Variants in P4HA1 observed in about 807,000 individuals in gnomAD.
P4HA1 encodes prolyl 4-hydroxylase subunit alpha 1.
In P4HA1, 24 loss-of-function variants were observed where a neutral mutation model predicts 72.8. The observed-to-expected ratio is 0.33, with a 90% CI of 0.24 to 0.46. The LOEUF (loss-of-function observed/expected upper bound fraction) is 0.46. Among genes scored for constraint, P4HA1 ranks in the 20% least tolerant of loss-of-function variants. The probability of loss-of-function intolerance (pLI) is 1.00; values close to 1 mark genes in which losing one functional copy is unlikely to be tolerated. For missense variants in P4HA1, 446 were observed against 640.6 expected, an observed-to-expected ratio of 0.70 and a Z score of 3.28; for synonymous variants, 201 against 218.8, an observed-to-expected ratio of 0.92 and a Z score of 0.72.
At position 73,053,587 on chromosome 10, in the gene P4HA1, A is replaced by G. The variant is rs775762415; in HGVS notation, c.467T>C (p.Val156Ala). Residue 156 changes from valine (V) to alanine (A), a missense_variant, in exon 6 of 15, where the codon GTG becomes GCG. Physicochemically the swap from Val to Ala is moderately conservative, Grantham distance 64. Transcript: ENST00000394890. ...AGCCGTTAGAAAAGATTTGTGTTTC[A>G]CTCCTATGAAAAGAAAATACAGAGA... Reference protein sequence around the residue: ...DTISKGNLPGVKHKSFLTAED... With the variant: ...DTISKGNLPGAKHKSFLTAED... The G allele has an allele frequency of 3.7e-6, 6 of 1,613,064 alleles. No homozygotes were observed. The highest frequency in any genetic ancestry group is 1.3e-5 in the African/African-American group (1 of 74,838).
At chr10:73,009,278 A>C (rs1244505873) in intron 14 of P4HA1, among the ~76,000 whole-genome samples, 1 of 145,094 alleles carries the variant, frequency 6.9e-6, no homozygotes, top group African/African-American at 2.8e-5. Context: ...TTTACTTTTT[A>C]AAAATGTGGT....
chr10:73,034,061 A>C (rs1840504694), intron 9 of P4HA1, among the ~76,000 whole-genome samples: 1 of 152,056 alleles, frequency 6.6e-6, no homozygotes, highest in South Asian at 2.1e-4. Flanking sequence ...AAAGTTTAAA[A>C]ATTAGCCAGG....
At chr10:73,077,126 T>C (rs930123509) in intron 1 of P4HA1, among the ~76,000 whole-genome samples, 2 of 152,264 alleles carry the variant, frequency 1.3e-5, no homozygotes, top group Admixed American at 6.5e-5. Context: ...CTTCCTCTCC[T>C]GGGCTCCTGC....
intron 10 of P4HA1, among the ~76,000 whole-genome samples, chr10:73,028,882 TA>T (rs1840364110): frequency 6.7e-6 from 1 of 150,058 alleles, no homozygotes; most frequent in Non-Finnish European, 1.5e-5. Context: ...CCATCTCTAC[TA>T]AAAATACAAA....
At chr10:73,082,145 A>G (rs1300204553) in intron 1 of P4HA1, among the ~76,000 whole-genome samples, 2 of 152,236 alleles carry the variant, frequency 1.3e-5, no homozygotes, top group East Asian at 1.9e-4. Context: ...ATTTTGCCCA[A>G]CTGTAGGCTA....
At chr10:73,050,699 C>CAA (rs11389497) in intron 7 of P4HA1, among the ~76,000 whole-genome samples, 8,687 of 106,106 alleles carry the variant, frequency 0.082, 463 homozygotes, top group East Asian at 0.32. Context: ...GACTCCATCT[C>CAA]AAAAAAAAAA....
At chr10:73,042,210 G>C (rs1404107740) in intron 9 of P4HA1, among the ~76,000 whole-genome samples, 3 of 152,086 alleles carry the variant, frequency 2.0e-5, no homozygotes, top group Non-Finnish European at 4.4e-5. Context: ...CTCTCTTACT[G>C]GGGCAAAAGG....
intron 1 of P4HA1, among the ~76,000 whole-genome samples, chr10:73,093,873 A>AAAAAAAAAAAAAAAT (rs1564640954): frequency 3.4e-5 from 1 of 29,308 alleles, no homozygotes; most frequent in African/African-American, 9.1e-5. Context: ...AAAAAAAAAA[A>AAAAAAAAAAAAAAAT]ATATATATAT....
At chr10:73,076,229 CTTAG>C (rs994164841) in intron 1 of P4HA1, among the ~76,000 whole-genome samples, 3 of 151,944 alleles carry the variant, frequency 2.0e-5, no homozygotes, top group African/African-American at 7.3e-5. Flanking sequence ...CTTGGTTTGA[CTTAG>C]TTTGTTTTTT....
At chr10:73,063,488 G>C (rs1841357580) in intron 5 of P4HA1, among the ~76,000 whole-genome samples, 1 of 152,192 alleles carries the variant, frequency 6.6e-6, no homozygotes, top group South Asian at 2.1e-4. Context: ...CAGATGCTAA[G>C]AAACTAACTT....
chr10:73,012,277 T>C (rs1238585690), intron 12 of P4HA1, among the ~76,000 whole-genome samples: 2 of 152,088 alleles, frequency 1.3e-5, no homozygotes, highest in Non-Finnish European at 2.9e-5. Context: ...GAAATGCAAA[T>C]TAAAGCCACA....
At position 73,043,928 on chromosome 10, in the gene P4HA1, C is replaced by T. The variant is rs980268214; in HGVS notation, c.1148+1053G>A. ...ACTGTGCTGTGGTCAATTTTCCAGT[C>T]TCAGGGTCATGTACTGTAGCTCGGC... On this transcript the variant is annotated intron_variant, in intron 9 of 14. Coordinates refer to ENST00000394890, the MANE Select transcript of P4HA1 (RefSeq NM_001017962.3). The T allele has an allele frequency of 4.3e-6, 7 of 1,613,176 alleles. No homozygotes were observed. In the African/African-American group the frequency reaches 9.3e-5, roughly 22 times the overall value.
At chr10:73,068,817 T>C in intron 5 of P4HA1, 29 bp downstream of exon 5, 1 of 1,581,414 alleles carries the variant, frequency 6.3e-7, no homozygotes, top group African/African-American at 1.3e-5. Flanking sequence ...AGGTGATAGG[T>C]ATTTTATAGA....
At chr10:73,032,244 C>T (rs529507851) in intron 9 of P4HA1, among the ~76,000 whole-genome samples, 1 of 152,226 alleles carries the variant, frequency 6.6e-6, no homozygotes, top group African/African-American at 2.4e-5. Context: ...CTCCAGTTAC[C>T]AATCTTTCTT....
At chr10:73,037,178 T>C (rs1840593550) in intron 9 of P4HA1, among the ~76,000 whole-genome samples, 1 of 152,020 alleles carries the variant, frequency 6.6e-6, no homozygotes, top group Admixed American at 6.6e-5. Context: ...TGTCCTTTTT[T>C]TTCCATTAAA....
At chr10:73,074,505 C>A (rs1240671009) in intron 2 of P4HA1, among the ~76,000 whole-genome samples, 2 of 151,790 alleles carry the variant, frequency 1.3e-5, no homozygotes, top group African/African-American at 4.8e-5. Context: ...CAAAAAAAAA[C>A]TTGTGTTCAC....
intron 3 of P4HA1, among the ~76,000 whole-genome samples, chr10:73,072,878 T>G (rs777916171): frequency 3.9e-5 from 6 of 152,022 alleles, no homozygotes; most frequent in Non-Finnish European, 8.8e-5. Context: ...CTTTTAAAAT[T>G]TATCAGTCAG....
At chr10:73,032,494 G>GT (rs904896783) in intron 9 of P4HA1, among the ~76,000 whole-genome samples, 69 of 152,224 alleles carry the variant, frequency 4.5e-4, no homozygotes, top group African/African-American at 1.6e-3. Flanking sequence ...AATTCCTCTA[G>GT]TATCTCAGGC....
At chr10:73,077,480 G>T (rs980059313) in intron 1 of P4HA1, among the ~76,000 whole-genome samples, 15 of 151,970 alleles carry the variant, frequency 9.9e-5, no homozygotes, top group African/African-American at 3.6e-4. Flanking sequence ...ATTTTTCTTC[G>T]AATAGCTTGA....
Sources: gnomAD v4.1 joint callset for allele counts (sites outside exome capture counted in the v4.1 genomes callset) on GRCh38, gnomAD v4.1.1 for gene constraint, MANE v1.5 for transcripts, NCBI Gene and HGNC (gene_info 2026-07-23, HGNC 2026-07-21) for gene names.